The following RERE variants were observed in gnomAD, a reference collection of about 807,000 sequenced individuals.
RERE encodes arginine-glutamic acid dipeptide repeats.
Under a neutral mutation model 146.1 loss-of-function variants are expected in RERE, and 40 were observed. The ratio of observed to expected loss-of-function variants is 0.27; its 90% CI spans 0.21 to 0.36. The LOEUF is 0.36. RERE is among the 10% of genes least tolerant of loss of function. The pLI is 1.00. For missense variants in RERE, 1,933 were observed against 2,138.7 expected (o/e 0.90, Z 1.90); for synonymous variants, 1,003 against 866.0 (o/e 1.16, Z -2.78).
rs1001931832 is a variant in RERE at position 8,817,630 on chromosome 1, C to T, written c.-615G>A. The T allele has an allele frequency of 2.0e-5, 3 of 150,876 alleles. No homozygotes were observed. Among genetic ancestry groups the T allele is most frequent in the Non-Finnish European group, 4.4e-5 (3 of 67,714 alleles). The allele number at this position is 150,876 out of a possible 1,614,324, so 9.3% of individuals were successfully genotyped here. A position where few individuals can be genotyped will look rare whatever the true frequency, so the allele number is the denominator to read the frequency against. On this transcript the variant is annotated 5_prime_UTR_variant, in exon 1 of 23. Coordinates refer to ENST00000400908, the MANE Select transcript of RERE (RefSeq NM_001042681.2). ...AGGCTCCGGAGCGCGGAGGGTTGCT[C>T]GCGAGCGTCTGTGGGAACAGCGGCA...
intron 1 of RERE, chr1:8,753,450 TGA>T (rs1366404390): frequency 2.6e-5 from 4 of 152,214 alleles, no homozygotes; most frequent in Non-Finnish European, 5.9e-5. Context: ...CATTTCAGTG[TGA>T]GTCTTGTCTT....
At chr1:8,379,565 C>A (rs2708633) in intron 12 of RERE, among the ~76,000 whole-genome samples, 111,437 of 152,098 alleles carry the variant, frequency 0.73, 41,350 homozygotes, top group East Asian at 0.91. Flanking sequence ...ATGGGCTCCA[C>A]GGATTCTCTC....
chr1:8,683,144 C>T (rs1010127555), intron 1 of RERE, among the ~76,000 whole-genome samples: 1 of 151,454 alleles, frequency 6.6e-6, no homozygotes, highest in Non-Finnish European at 1.5e-5. Flanking sequence ...ATTTTAGATG[C>T]CAAATGCCTG....
chr1:8,633,304 TC>T (rs951594886), intron 2 of RERE, among the ~76,000 whole-genome samples: 2 of 152,122 alleles, frequency 1.3e-5, no homozygotes, highest in African/African-American at 4.8e-5. Flanking sequence ...GCACCTGCAG[TC>T]CCAGCTGCTT....
chr1:8,557,530 A>G lies in RERE; in HGVS notation c.523-7T>C. ...GGAGATGGTCCCTCTTACTCTGAAAAGGAAAATCTAACAGCATTAGGAACA... is the reference window on the plus strand; with the variant it reads ...GGAGATGGTCCCTCTTACTCTGAAAGGGAAAATCTAACAGCATTAGGAACA... On this transcript the variant is annotated splice_polypyrimidine_tract_variant and splice_region_variant and intron_variant, in intron 4 of 22. Coordinates refer to ENST00000400908, the MANE Select transcript of RERE (RefSeq NM_001042681.2). 1 of 1,578,718 alleles carries G rather than the reference A, an allele frequency of 6.3e-7. No homozygotes were observed. Among genetic ancestry groups the G allele is most frequent in the Non-Finnish European group, 8.7e-7 (1 of 1,147,744 alleles).
At chr1:8,422,938 C>G (rs1053257073) in intron 11 of RERE, 131 bp from the exon 12 acceptor site, 7 of 678,484 alleles carry the variant, frequency 1.0e-5, no homozygotes, top group South Asian at 3.3e-5. Flanking sequence ...TGCCGAGGCT[C>G]GGAGAGTATG....
intron 1 of RERE, among the ~76,000 whole-genome samples, chr1:8,788,791 G>A (rs917769208): frequency 6.6e-6 from 1 of 151,710 alleles, no homozygotes; most frequent in Non-Finnish European, 1.5e-5. Context: ...GAGGATTCAG[G>A]AGCAAACAAG....
At chr1:8,643,142 TCCTAG>T in intron 2 of RERE, among the ~76,000 whole-genome samples, 1 of 152,120 alleles carries the variant, frequency 6.6e-6, no homozygotes, top group Non-Finnish European at 1.5e-5. Flanking sequence ...GAATTGAAAA[TCCTAG>T]TGGGCTCAAA....
At position 8,669,183 on chromosome 1, in the gene RERE, C is replaced by G. The variant is rs367685227; in HGVS notation, c.-144-12742G>C. Among the ~76,000 whole-genome samples, 10 of 151,330 alleles carry G rather than the reference C, an allele frequency of 6.6e-5. No homozygotes were observed. In the South Asian group the frequency reaches 1.9e-3, roughly 28 times the overall value. ...GACCTACCGGGCTCAAGCAATACCCCCCCCAACTCGGCCTCTCCAGTAGCT... is the reference window on the plus strand; with the variant it reads ...GACCTACCGGGCTCAAGCAATACCCGCCCCAACTCGGCCTCTCCAGTAGCT... On this transcript the variant is annotated intron_variant, in intron 1 of 22. Coordinates refer to ENST00000400908, the MANE Select transcript of RERE (RefSeq NM_001042681.2).
intron 4 of RERE, among the ~76,000 whole-genome samples, chr1:8,579,257 CCT>C (rs71580033): frequency 0.34 from 51,512 of 151,948 alleles, 9,207 homozygotes; most frequent in African/African-American, 0.37. Context: ...CGTTCCTAAT[CCT>C]CTGTGTTCAG....
intron 1 of RERE, among the ~76,000 whole-genome samples, chr1:8,775,879 C>T (rs1427513547): frequency 6.6e-6 from 1 of 152,028 alleles, no homozygotes; most frequent in Non-Finnish European, 1.5e-5. Flanking sequence ...AAGCTGAGGC[C>T]CAGGGAGGTT....
intron 4 of RERE, among the ~76,000 whole-genome samples, chr1:8,575,561 A>ATATATATATATATATTT (rs1337650659): frequency 1.0e-5 from 1 of 98,680 alleles, no homozygotes; most frequent in African/African-American, 4.6e-5. Context: ...ATATATATAT[A>ATATATATATATATATTT]TTTTTTTTTT....
intron 1 of RERE, among the ~76,000 whole-genome samples, chr1:8,774,948 TTTC>T (rs372352974): frequency 6.2e-4 from 20 of 32,202 alleles, no homozygotes; most frequent in Admixed American, 8.9e-4. Context: ...TTCTTCTTTC[TTTC>T]TTTTTTTTTT....
chr1:8,737,297 T>TA (rs1383446634), intron 1 of RERE, among the ~76,000 whole-genome samples: 3 of 152,216 alleles, frequency 2.0e-5, no homozygotes, highest in Admixed American at 6.5e-5. Context: ...TACATCCACT[T>TA]AGAGTTTGCC....
chr1:8,594,723 A>G (rs1646535075), intron 4 of RERE, among the ~76,000 whole-genome samples: 1 of 152,240 alleles, frequency 6.6e-6, no homozygotes, highest in Non-Finnish European at 1.5e-5. Flanking sequence ...GTAACATATT[A>G]TCCTTTAGCA....
At chr1:8,800,615 G>T (rs567974132) in intron 1 of RERE, among the ~76,000 whole-genome samples, 16 of 152,238 alleles carry the variant, frequency 1.1e-4, no homozygotes, top group Non-Finnish European at 1.3e-4. Context: ...AGGCTGCAGT[G>T]AGCTATGATT....
At chr1:8,716,511 G>A (rs1282147861) in intron 1 of RERE, among the ~76,000 whole-genome samples, 1 of 151,828 alleles carries the variant, frequency 6.6e-6, no homozygotes. Context: ...ATGTCCTTTA[G>A]CAATATTGAG....
chr1:8,569,109 T>TA lies in RERE; in HGVS notation c.523-11587_523-11586insT, dbSNP rs564919084. Among the ~76,000 whole-genome samples, 31 of 152,262 alleles carry TA rather than the reference T, an allele frequency of 2.0e-4. No individual in the cohort carries two copies. In the South Asian group the frequency reaches 6.2e-3, roughly 30 times the overall value. On this transcript the variant is annotated intron_variant, in intron 4 of 22. Transcript: ENST00000400908. ...CTCTGGTTTTATCAGATCAACATTCTGAAGCACAAATTTTCTCTTTGGTCC... is the reference window on the plus strand; with the variant it reads ...CTCTGGTTTTATCAGATCAACATTCTAGAAGCACAAATTTTCTCTTTGGTCC...
chr1:8,493,218 T>C (rs750425026), intron 10 of RERE, among the ~76,000 whole-genome samples: 2 of 152,330 alleles, frequency 1.3e-5, no homozygotes, highest in African/African-American at 2.4e-5. Context: ...TACTGGGCAG[T>C]AGTATCATCA....
Sources: allele counts gnomAD v4.1 joint callset (sites outside exome capture counted in the v4.1 genomes callset), GRCh38; gene constraint gnomAD v4.1.1; transcripts MANE v1.5; gene names NCBI Gene and HGNC (gene_info 2026-07-23, HGNC 2026-07-21).